Variants in RPS6KA2 observed in about 807,000 individuals in gnomAD.
RPS6KA2 encodes the protein ribosomal protein S6 kinase alpha-2.
Under a neutral mutation model 91.8 loss-of-function variants are expected in RPS6KA2, and 42 were observed. The ratio of observed to expected loss-of-function variants is 0.46; its 90% CI spans 0.36 to 0.59. RPS6KA2 has a LOEUF of 0.59. Among genes scored for constraint, RPS6KA2 ranks in the 20% least tolerant of loss-of-function variants. RPS6KA2 has a pLI of 0.00. For missense variants in RPS6KA2, 798 were observed against 978.5 expected (o/e 0.82, Z 2.46); for synonymous variants, 414 against 393.6 (o/e 1.05, Z -0.61).
intron 2 of RPS6KA2, among the ~76,000 whole-genome samples, chr6:166,814,236 A>G (rs1174173241): frequency 6.6e-6 from 1 of 152,254 alleles, no homozygotes; most frequent in Non-Finnish European, 1.5e-5. Context: ...AGTGTTGGCT[A>G]TATTAACCAG....
At chr6:166,627,339 ACCTCCT>A, upstream of RPS6KA2, 3 of 523,492 alleles carry the variant, frequency 5.7e-6, no homozygotes, top group Non-Finnish European at 7.3e-6. Flanking sequence ...CGGCACGCAC[ACCTCCT>A]CCTCCTCCGC....
At chr6:166,561,376 C>T (rs1269659919) in intron 1 of RPS6KA2, among the ~76,000 whole-genome samples, 1 of 152,058 alleles carries the variant, frequency 6.6e-6, no homozygotes, top group Admixed American at 6.5e-5. Context: ...CACCATTCTT[C>T]AGCTTGTCCC....
intron 2 of RPS6KA2, among the ~76,000 whole-genome samples, chr6:166,759,318 C>T (rs1054164006): frequency 2.0e-5 from 3 of 152,112 alleles, no homozygotes; most frequent in Non-Finnish European, 4.4e-5. Flanking sequence ...ATTCTGGAGC[C>T]GTTGGCAAAT....
intron 2 of RPS6KA2, among the ~76,000 whole-genome samples, chr6:166,711,604 A>G (rs1456507455): frequency 6.6e-6 from 1 of 152,108 alleles, no homozygotes; most frequent in Non-Finnish European, 1.5e-5. Context: ...ATACAAAACC[A>G]AAATGAAAAG....
intron 2 of RPS6KA2, among the ~76,000 whole-genome samples, chr6:166,674,538 G>T (rs541583865): frequency 1.3e-5 from 2 of 152,334 alleles, no homozygotes; most frequent in South Asian, 4.1e-4. Context: ...TGAGGAAAGG[G>T]CTTGGGAATT....
At chr6:166,714,188 G>A (rs988115367) in intron 2 of RPS6KA2, among the ~76,000 whole-genome samples, 1 of 152,220 alleles carries the variant, frequency 6.6e-6, no homozygotes, top group Non-Finnish European at 1.5e-5. Context: ...ATGGGAAGAG[G>A]TGCAGGCCAG....
chr6:166,629,204 G>C (rs537650963), upstream of RPS6KA2, among the ~76,000 whole-genome samples: 1 of 152,362 alleles, frequency 6.6e-6, no homozygotes, highest in South Asian at 2.1e-4. Context: ...CCCTCGGAAG[G>C]GGAGCCAGTA....
At chr6:166,477,274 T>C (rs767192402) in intron 10 of RPS6KA2, among the ~76,000 whole-genome samples, 1 of 152,138 alleles carries the variant, frequency 6.6e-6, no homozygotes, top group Non-Finnish European at 1.5e-5. Flanking sequence ...TTAGACACGG[T>C]TTGAAGGGCG....
rs752225232 is a variant in RPS6KA2, at chr6:166,451,203, G to A, written c.1106C>T (p.Ala369Val). The A allele has an allele frequency of 1.9e-6, 3 of 1,613,982 alleles. No individual in the cohort carries two copies. Among genetic ancestry groups the A allele is most frequent in the South Asian group, 1.1e-5 (1 of 91,086 alleles). Residue 369 changes from alanine to valine, a missense_variant, in exon 13 of 21, where the codon GCT (alanine) becomes GTT (valine). Physicochemically the swap from Ala to Val is moderately conservative, Grantham distance 64. Coordinates refer to ENST00000265678, the MANE Select transcript of RPS6KA2 (RefSeq NM_021135.6). ...DSPGVPPSAN[A>V]HHLFRGFSFV... ...GCTGAATCCTCTAAACAGGTGATGA[G>A]CGTTTGCACTCGGGGGGACGCCAGG...
chr6:166,484,739 C>T (rs1781348460), intron 10 of RPS6KA2, among the ~76,000 whole-genome samples: 7 of 152,184 alleles, frequency 4.6e-5, no homozygotes, highest in Admixed American at 4.6e-4. Flanking sequence ...AACTCATCCA[C>T]CACCACGTGG....
intron 2 of RPS6KA2, among the ~76,000 whole-genome samples, chr6:166,693,209 G>A (rs900438352): frequency 3.3e-5 from 5 of 152,328 alleles, no homozygotes; most frequent in South Asian, 2.1e-4. Flanking sequence ...ACCGCAGCTC[G>A]CAGGAGGTGC....
At chr6:166,613,389 A>C (rs1216653961) in intron 1 of RPS6KA2, among the ~76,000 whole-genome samples, 1 of 152,240 alleles carries the variant, frequency 6.6e-6, no homozygotes, top group Non-Finnish European at 1.5e-5. Flanking sequence ...AATTTTGTCT[A>C]CTGCTGAAAT....
rs377245416 is a variant in RPS6KA2 at position 166,593,524 on chromosome 6, G to GT, written c.99+33396dup. Among the ~76,000 whole-genome samples, 255 of 152,216 alleles carry GT rather than the reference G, an allele frequency of 1.7e-3. 1 individual carries two copies. The highest frequency in any genetic ancestry group is 5.9e-3 in the African/African-American group (244 of 41,542). On this transcript the variant is annotated intron_variant, in intron 1 of 20. Coordinates refer to ENST00000265678, the MANE Select transcript of RPS6KA2 (RefSeq NM_021135.6). ...AACCAGGTCCACAAATCTCAGAATGGTATCGATTTTTCTTATGCAGGTACA... is the reference window on the plus strand; with the variant it reads ...AACCAGGTCCACAAATCTCAGAATGGTTATCGATTTTTCTTATGCAGGTACA...
intron 2 of RPS6KA2, among the ~76,000 whole-genome samples, chr6:166,802,293 T>C (rs1393042171): frequency 6.6e-6 from 1 of 151,022 alleles, no homozygotes; most frequent in Non-Finnish European, 1.5e-5. Flanking sequence ...AAAAAATCAA[T>C]CCCTCCCTAG....
intron 2 of RPS6KA2, among the ~76,000 whole-genome samples, chr6:166,828,338 G>A (rs1070945): frequency 6.6e-6 from 1 of 151,966 alleles, no homozygotes; most frequent in South Asian, 2.1e-4. Flanking sequence ...CTCCACACCC[G>A]CCACCTTCCT....
intron 12 of RPS6KA2, among the ~76,000 whole-genome samples, chr6:166,458,105 C>G (rs539241900): frequency 6.6e-6 from 1 of 152,256 alleles, no homozygotes; most frequent in East Asian, 1.9e-4. Flanking sequence ...AAGGCCCTAC[C>G]CCCAAGTGTA....
intron 2 of RPS6KA2, among the ~76,000 whole-genome samples, chr6:166,837,240 C>G (rs1013966000): frequency 1.2e-4 from 19 of 152,146 alleles, no homozygotes; most frequent in Non-Finnish European, 4.4e-5. Context: ...TGCCCACCCC[C>G]ACGGAGCAGC....
At chr6:166,609,789 C>T (rs543427043) in intron 1 of RPS6KA2, among the ~76,000 whole-genome samples, 16 of 152,232 alleles carry the variant, frequency 1.1e-4, no homozygotes, top group African/African-American at 1.7e-4. Flanking sequence ...CGTGAGCCAC[C>T]GTGCCTGGCG....
rs1456346498 is a variant in RPS6KA2, at chr6:166,625,324, CCCCCCCA to C, written c.99+1590_99+1596del. 1.5e-3 allele frequency among the ~76,000 whole-genome samples: 38 copies of C among 25,358 alleles called. No homozygotes were observed. In the East Asian group the frequency reaches 0.023, roughly 16 times the overall value. The allele number at this position is 25,358 out of a possible 152,430, so 16.6% of individuals were successfully genotyped here. On this transcript the variant is annotated intron_variant, in intron 1 of 20. Coordinates refer to ENST00000265678, the MANE Select transcript of RPS6KA2 (RefSeq NM_021135.6). Reference sequence around the variant, plus strand: ...GAAACCTCGTTTCCTATTCCCACCACCCCCCCACCCCCCCCCCCGCTTGTTTCCCACT... The same window carrying C: ...GAAACCTCGTTTCCTATTCCCACCACCCCCCCCCCCCGCTTGTTTCCCACT...
Sources: allele counts gnomAD v4.1 joint callset (sites outside exome capture counted in the v4.1 genomes callset), GRCh38; gene constraint gnomAD v4.1.1; transcripts MANE v1.5; gene names NCBI Gene and HGNC (gene_info 2026-07-23, HGNC 2026-07-21).